SPAG17: variants seen among roughly 807,000 people sequenced by gnomAD.
SPAG17 encodes sperm-associated antigen 17.
A neutral mutation model predicts 273.6 loss-of-function variants in SPAG17; 169 were observed. The observed-to-expected ratio is 0.62, with a 90% CI of 0.55 to 0.70. The LOEUF (loss-of-function observed/expected upper bound fraction) is 0.70. Ranked by LOEUF, SPAG17 falls within the 30% of genes least tolerant of loss-of-function variation. The pLI is 0.00. For synonymous variants in SPAG17, 825 were observed against 873.2 expected (o/e 0.94, Z 0.97); for missense variants, 2,557 against 2,627.8 (o/e 0.97, Z 0.59).
chr1:118,099,636 G>C lies in SPAG17; in HGVS notation c.799C>G (p.Gln267Glu), dbSNP rs772384678. The C allele has an allele frequency of 4.3e-6, 7 of 1,614,038 alleles. No homozygotes were observed. The Admixed American group carries it at 1.2e-4, about 27-fold the overall frequency. ...PLQTHLAAVNQQQEVLLQSED... is the reference protein window; with the variant it reads ...PLQTHLAAVNEQQEVLLQSED... ...GACTGAAGAAGAACTTCCTGCTGCTGGTTAACTGCTGCCAGGTGTGTCTGC... is the reference window on the plus strand; with the variant it reads ...GACTGAAGAAGAACTTCCTGCTGCTCGTTAACTGCTGCCAGGTGTGTCTGC... The change falls in exon 6 of 49, where the codon CAG becomes GAG. Residue 267 changes from glutamine to glutamate, a missense_variant. Physicochemically the swap from Gln to Glu is conservative, Grantham distance 29 (BLOSUM62 2). Coordinates refer to ENST00000336338, the MANE Select transcript of SPAG17 (RefSeq NM_206996.4).
At chr1:118,152,500 A>G (rs1659442715) in intron 1 of SPAG17, among the ~76,000 whole-genome samples, 3 of 152,228 alleles carry the variant, frequency 2.0e-5, no homozygotes, top group Admixed American at 2.0e-4. Flanking sequence ...CTTTCTTACC[A>G]TCAAAGAGCA....
intron 8 of SPAG17, 100 bp from the exon 9 acceptor site, chr1:118,092,102 G>A (rs779761401): frequency 2.1e-6 from 2 of 964,452 alleles, no homozygotes; most frequent in Non-Finnish European, 3.3e-6. Flanking sequence ...TACTCAGGTT[G>A]TATAATTATG....
intron 3 of SPAG17, among the ~76,000 whole-genome samples, chr1:118,117,633 G>A (rs933530137): frequency 6.6e-6 from 1 of 152,126 alleles, no homozygotes; most frequent in African/African-American, 2.4e-5. Context: ...TACAGACACA[G>A]AGAGAGAGAG....
At chr1:118,136,191 G>C (rs1205251964) in intron 3 of SPAG17, among the ~76,000 whole-genome samples, 2 of 152,270 alleles carry the variant, frequency 1.3e-5, no homozygotes, top group East Asian at 3.9e-4. Flanking sequence ...CCAGCAAAGA[G>C]CATTGCCTGT....
chr1:117,992,701 A>G (rs1248893884), intron 35 of SPAG17, 53 bp from the exon 36 acceptor site: 113 of 1,411,722 alleles, frequency 8.0e-5, no homozygotes, highest in Non-Finnish European at 9.9e-5. Context: ...ATGTTTTCAC[A>G]TTCAAATTTT....
At chr1:118,003,472 A>T (rs543554444) in intron 32 of SPAG17, among the ~76,000 whole-genome samples, 1 of 152,064 alleles carries the variant, frequency 6.6e-6, no homozygotes, top group African/African-American at 2.4e-5. Context: ...TCAAACATAG[A>T]TTTCATCTTT....
At chr1:118,105,392 A>G (rs1397540830) in intron 4 of SPAG17, among the ~76,000 whole-genome samples, 1 of 152,154 alleles carries the variant, frequency 6.6e-6, no homozygotes, top group Non-Finnish European at 1.5e-5. Context: ...TAATTGTGTG[A>G]ATTCCTCCAT....
chr1:118,121,542 C>A (rs531866830), intron 3 of SPAG17, among the ~76,000 whole-genome samples: 1 of 152,106 alleles, frequency 6.6e-6, no homozygotes, highest in East Asian at 1.9e-4. Context: ...GGAGTGTGGA[C>A]CCTATTGTGA....
At chr1:118,144,073 C>G (rs562307269) in intron 3 of SPAG17, among the ~76,000 whole-genome samples, 6 of 152,328 alleles carry the variant, frequency 3.9e-5, no homozygotes, top group African/African-American at 9.6e-5. Flanking sequence ...GCTGCCTGAC[C>G]CCCAGGGTGG....
chr1:118,175,691 T>C (rs994997675), intron 1 of SPAG17, among the ~76,000 whole-genome samples: 15 of 151,200 alleles, frequency 9.9e-5, no homozygotes, highest in African/African-American at 3.6e-4. Context: ...GAATGCACCA[T>C]CACCAGACCC....
chr1:118,085,535 C>T (rs1406760548), intron 13 of SPAG17, among the ~76,000 whole-genome samples: 6 of 152,116 alleles, frequency 3.9e-5, no homozygotes, highest in East Asian at 1.9e-4. Context: ...CGCGTGCGCG[C>T]GCGCACACAC....
chr1:117,961,108 C>G (rs1388889951), intron 48 of SPAG17: 2 of 152,268 alleles, frequency 1.3e-5, no homozygotes, highest in East Asian at 3.9e-4. Flanking sequence ...ATGGTGAAAC[C>G]TCATCTCTAC....
intron 6 of SPAG17, 67 bp downstream of exon 6, chr1:118,099,539 A>G (rs1655923283): frequency 1.5e-6 from 2 of 1,375,110 alleles, no homozygotes; most frequent in Admixed American, 3.8e-5. Flanking sequence ...ACAGAAAATT[A>G]TATTTGTACT....
At chr1:118,182,403 T>A (rs1660992345) in intron 1 of SPAG17, among the ~76,000 whole-genome samples, 1 of 152,206 alleles carries the variant, frequency 6.6e-6, no homozygotes, top group African/African-American at 2.4e-5. Context: ...GGAAAGATTT[T>A]AATCTCTATG....
At chr1:118,135,371 ATGTGTGTGTGTGTG>A (rs57793942) in intron 3 of SPAG17, among the ~76,000 whole-genome samples, 9 of 140,024 alleles carry the variant, frequency 6.4e-5, no homozygotes, top group South Asian at 2.4e-4. Context: ...AGCTCAAGCA[ATGTGTGTGTGTGTG>A]TGTGTGTGTG....
rs549953071 is a variant in SPAG17, at chr1:118,097,768, T to C, written c.913A>G (p.Asn305Asp). The C allele has an allele frequency of 5.0e-6, 8 of 1,610,924 alleles. No homozygotes were observed. Among genetic ancestry groups the C allele is most frequent in the Admixed American group, 1.7e-5 (1 of 59,358 alleles). ...FWKYLEPVLN[N>D]EKPETNLFDV... The stretch of plus-strand genomic sequence containing the variant: ...AAGAGATTTGTTTCAGGTTTCTCAT[T>C]ATTCAGGACTGGTTCCAAGTACTTC... Residue 305 changes from asparagine (N) to aspartate (D), a missense_variant, in exon 7 of 49, where the codon AAT becomes GAT. Physicochemically the swap from Asn to Asp is conservative, Grantham distance 23. Coordinates refer to ENST00000336338, the MANE Select transcript of SPAG17 (RefSeq NM_206996.4).
intron 3 of SPAG17, among the ~76,000 whole-genome samples, chr1:118,138,637 G>A (rs1253120798): frequency 2.6e-5 from 4 of 152,036 alleles, no homozygotes; most frequent in Non-Finnish European, 4.4e-5. Context: ...TAGAAAATGT[G>A]GAACCAATAA....
intron 3 of SPAG17, among the ~76,000 whole-genome samples, chr1:118,133,858 C>T (rs1658194231): frequency 6.6e-6 from 1 of 152,158 alleles, no homozygotes; most frequent in Non-Finnish European, 1.5e-5. Flanking sequence ...TTTGACAATA[C>T]AGAGTCCCTC....
At chr1:118,151,821 T>C (rs2102351321) in intron 1 of SPAG17, among the ~76,000 whole-genome samples, 1 of 152,342 alleles carries the variant, frequency 6.6e-6, no homozygotes, top group East Asian at 1.9e-4. Context: ...TGGGTCATAT[T>C]GGATGAGCTG....
Sources: gnomAD v4.1 joint callset for allele counts (sites outside exome capture counted in the v4.1 genomes callset) on GRCh38, gnomAD v4.1.1 for gene constraint, MANE v1.5 for transcripts, NCBI Gene and HGNC (gene_info 2026-07-23, HGNC 2026-07-21) for gene names.